The following KTN1 variants were observed in gnomAD, a reference collection of about 807,000 sequenced individuals.
KTN1 encodes the protein kinectin.
In KTN1, 130 loss-of-function variants were observed where a neutral mutation model predicts 222.5. That is an observed-to-expected ratio of 0.58 (90% CI 0.51 to 0.68). The LOEUF (loss-of-function observed/expected upper bound fraction) is 0.68. Ranked by LOEUF, KTN1 falls within the 30% of genes least tolerant of loss-of-function variation. The pLI is 0.00. For missense variants in KTN1, 1,508 were observed against 1,500.4 expected (o/e 1.01, Z -0.08); for synonymous variants, 512 against 496.3 (o/e 1.03, Z -0.42).
chr14:55,634,067 G>A (rs905128026), intron 8 of KTN1, among the ~76,000 whole-genome samples: 1 of 152,070 alleles, frequency 6.6e-6, no homozygotes, highest in African/African-American at 2.4e-5. Context: ...CTGGGAGGTA[G>A]AGGTTGCAGT....
In KTN1 at chr14:55,640,459, T is replaced by C. The variant is rs1337779853; in HGVS notation, c.1983+17T>C. On this transcript the variant is annotated intron_variant, in intron 15 of 43. Coordinates refer to ENST00000395314, the MANE Select transcript of KTN1 (RefSeq NM_001079521.2). ...AATGAGCAGGTAGATCTTTATTGCT[T>C]TTGAGCATTGATCTCAGAATTTCAA... 1 of 1,564,460 alleles carries C rather than the reference T, an allele frequency of 6.4e-7. No homozygotes were observed. Among genetic ancestry groups the C allele is most frequent in the Admixed American group, 1.9e-5 (1 of 54,050 alleles).
At chr14:55,588,299 A>AAGATGAATCATCTGTC (rs1427900295) in intron 1 of KTN1, among the ~76,000 whole-genome samples, 1 of 152,210 alleles carries the variant, frequency 6.6e-6, no homozygotes, top group Non-Finnish European at 1.5e-5. Context: ...TATCATCTGT[A>AAGATGAATCATCTGTC]AGATGAATCA....
intron 43 of KTN1, chr14:55,681,199 C>A (rs1295029340): frequency 6.3e-6 from 1 of 157,648 alleles, no homozygotes; most frequent in African/African-American, 2.4e-5. Context: ...CATTAATGAT[C>A]CCTAATTGCT....
chr14:55,600,692 T>C (rs1186853455), intron 1 of KTN1, among the ~76,000 whole-genome samples: 1 of 152,134 alleles, frequency 6.6e-6, no homozygotes, highest in Non-Finnish European at 1.5e-5. Context: ...CTTCTGTACA[T>C]GGTGTAGCTG....
chr14:55,614,128 C>G (rs2038006400), intron 2 of KTN1, among the ~76,000 whole-genome samples: 1 of 152,138 alleles, frequency 6.6e-6, no homozygotes, highest in African/African-American at 2.4e-5. Flanking sequence ...GAAAAGATAG[C>G]AGTGGCTAGA....
intron 5 of KTN1, among the ~76,000 whole-genome samples, chr14:55,621,044 C>A (rs1174415082): frequency 6.6e-6 from 1 of 152,136 alleles, no homozygotes; most frequent in Non-Finnish European, 1.5e-5. Flanking sequence ...CGCCAGAGAC[C>A]CTAAATCATC....
At chr14:55,639,044 G>A (rs2041465469) in intron 12 of KTN1, 141 bp from the exon 13 acceptor site, 1 of 552,452 alleles carries the variant, frequency 1.8e-6, no homozygotes, top group African/African-American at 1.9e-5. Flanking sequence ...ACTCTTTATT[G>A]AACACTTACC....
intron 5 of KTN1, among the ~76,000 whole-genome samples, chr14:55,626,163 A>ATGGGC: frequency 6.6e-6 from 1 of 152,140 alleles, no homozygotes; most frequent in East Asian, 1.9e-4. Flanking sequence ...TTAAATACAT[A>ATGGGC]TGGGCTCTCC....
intron 10 of KTN1, 39 bp downstream of exon 10, chr14:55,636,575 T>C (rs2041146748): frequency 6.7e-7 from 1 of 1,503,340 alleles, no homozygotes; most frequent in East Asian, 2.3e-5. Flanking sequence ...TTGTATATAA[T>C]TTTGGGTAAA....
chr14:55,659,187 T>G (rs947097389), intron 30 of KTN1, among the ~76,000 whole-genome samples: 4 of 152,140 alleles, frequency 2.6e-5, no homozygotes, highest in African/African-American at 9.7e-5. Flanking sequence ...CTTGAGAGAT[T>G]ATTGTCACCA....
At chr14:55,640,274 A>C (rs1340906489) in intron 14 of KTN1, 100 bp from the exon 15 acceptor site, 15 of 813,292 alleles carry the variant, frequency 1.8e-5, no homozygotes, top group Non-Finnish European at 1.8e-5. Context: ...GAAATTTTGT[A>C]AGTTGAGACA....
chr14:55,673,325 ATCCAGGCTTTTTTT>A lies in KTN1; in HGVS notation c.3771+73_3771+86del, dbSNP rs984069008. On this transcript the variant is annotated intron_variant, in intron 40 of 43. Coordinates refer to ENST00000395314, the MANE Select transcript of KTN1 (RefSeq NM_001079521.2). ...CACTTTATTGACATGTGGAGAAACC[ATCCAGGCTTTTTTT>A]TCTTTGCTAACATCTTTAGCTTGGC... 6.2e-6 allele frequency: 6 copies of A among 971,862 alleles called. No individual in the cohort carries two copies. The African/African-American group carries it at 8.3e-5, about 13-fold the overall frequency. 60.2% of individuals were successfully genotyped at this position (971,862 alleles called of 1,614,324 possible).
At chr14:55,663,453 A>C (rs1278692354) in intron 32 of KTN1, 2 of 165,046 alleles carry the variant, frequency 1.2e-5, no homozygotes, top group Non-Finnish European at 2.6e-5. Context: ...CATAGGACAC[A>C]GTGGGTTACT....
chr14:55,628,138 A>G, intron 6 of KTN1, 110 bp downstream of exon 6: 1 of 681,362 alleles, frequency 1.5e-6, no homozygotes, highest in Non-Finnish European at 2.5e-6. Flanking sequence ...TATGTCCAAC[A>G]AAAGTAACTT....
chr14:55,640,763 T>G (rs2041707004), intron 15 of KTN1, among the ~76,000 whole-genome samples, 170 bp from the exon 16 acceptor site: 1 of 151,872 alleles, frequency 6.6e-6, no homozygotes, highest in Non-Finnish European at 1.5e-5. Context: ...TAGTCTAGAA[T>G]AAAAGAAGTA....
intron 1 of KTN1, among the ~76,000 whole-genome samples, chr14:55,600,506 A>C (rs1055766337): frequency 6.6e-6 from 1 of 152,174 alleles, no homozygotes; most frequent in African/African-American, 2.4e-5. Context: ...TTGTCTTTCC[A>C]AAGAATAAAA....
chr14:55,616,160 G>T (rs2038362041), intron 2 of KTN1, among the ~76,000 whole-genome samples: 1 of 151,956 alleles, frequency 6.6e-6, no homozygotes, highest in South Asian at 2.1e-4. Context: ...GGAACTCCTG[G>T]GTTCAAGTGA....
At chr14:55,602,572 C>T (rs1330747163) in intron 1 of KTN1, among the ~76,000 whole-genome samples, 2 of 151,558 alleles carry the variant, frequency 1.3e-5, no homozygotes, top group Non-Finnish European at 2.9e-5. Flanking sequence ...TTTTATAAGA[C>T]CTTCAACACT....
intron 31 of KTN1, 67 bp from the exon 32 acceptor site, chr14:55,661,455 G>A: frequency 3.8e-6 from 3 of 786,214 alleles, no homozygotes; most frequent in Admixed American, 2.0e-5. Flanking sequence ...AATGTTGATA[G>A]GTAGGGATCT....
Sources: allele counts gnomAD v4.1 joint callset (sites outside exome capture counted in the v4.1 genomes callset), GRCh38; gene constraint gnomAD v4.1.1; transcripts MANE v1.5; gene names NCBI Gene and HGNC (gene_info 2026-07-23, HGNC 2026-07-21).